RAB6A: variants seen among roughly 807,000 people sequenced by gnomAD.
The protein encoded by RAB6A is RAB6A, member RAS oncogene family, also known as ras-related protein Rab-6A.
In RAB6A, 8 loss-of-function variants were observed where a neutral mutation model predicts 32.3. The ratio of observed to expected loss-of-function variants is 0.25; its 90% CI spans 0.15 to 0.45. RAB6A has a LOEUF of 0.45. RAB6A is among the 20% of genes least tolerant of loss of function. RAB6A has a pLI of 1.00. For missense variants in RAB6A, 104 were observed against 249.4 expected (o/e 0.42, Z 3.93); for synonymous variants, 73 against 82.1 (o/e 0.89, Z 0.60).
chr11:73,742,927 G>A (rs1285777052), intron 1 of RAB6A, among the ~76,000 whole-genome samples: 1 of 151,994 alleles, frequency 6.6e-6, no homozygotes, highest in East Asian at 1.9e-4. Flanking sequence ...AAACAAATAC[G>A]AGTAAAGCCC....
chr11:73,753,296 C>A (rs895838609), intron 1 of RAB6A, among the ~76,000 whole-genome samples: 2 of 152,034 alleles, frequency 1.3e-5, no homozygotes, highest in African/African-American at 2.4e-5. Flanking sequence ...GCCTCCCGGG[C>A]TCAAGTGACT....
At chr11:73,718,752 A>G (rs756735904) in intron 3 of RAB6A, 34 bp from the exon 4 acceptor site, 1 of 1,614,034 alleles carries the variant, frequency 6.2e-7, no homozygotes, top group Non-Finnish European at 8.5e-7. Context: ...AGCAAGAAAA[A>G]TAAGAAAGGT....
At chr11:73,685,473 G>A (rs921021770) in intron 6 of RAB6A, among the ~76,000 whole-genome samples, 2 of 151,062 alleles carry the variant, frequency 1.3e-5, no homozygotes, top group Non-Finnish European at 2.9e-5. Flanking sequence ...AATTTTAGTA[G>A]AGACGGTGTT....
At chr11:73,732,660 T>C (rs547222255) in intron 1 of RAB6A, among the ~76,000 whole-genome samples, 1 of 152,122 alleles carries the variant, frequency 6.6e-6, no homozygotes, top group South Asian at 2.1e-4. Context: ...CTTGGGAGGC[T>C]CAGGCAACAG....
chr11:73,731,684 TTATATATATATATATATATA>T (rs1157961323), intron 1 of RAB6A, among the ~76,000 whole-genome samples: 16 of 14,526 alleles, frequency 1.1e-3, no homozygotes, highest in African/African-American at 1.5e-3. Context: ...TAGATAGATA[TTATATATATATATATATATA>T]TATATATATA....
chr11:73,721,287 A>T (rs1052910201), intron 2 of RAB6A, among the ~76,000 whole-genome samples: 5 of 152,230 alleles, frequency 3.3e-5, no homozygotes, highest in African/African-American at 1.2e-4. Flanking sequence ...TATCTGCCCC[A>T]AGAGCAGTTT....
intron 5 of RAB6A, among the ~76,000 whole-genome samples, chr11:73,711,041 G>A: frequency 6.6e-6 from 1 of 152,132 alleles, no homozygotes; most frequent in East Asian, 1.9e-4. Context: ...TCTGCTCAAA[G>A]GCATAGATGC....
At chr11:73,730,670 C>T (rs1398450252) in intron 2 of RAB6A, 95 bp downstream of exon 2, 2 of 981,508 alleles carry the variant, frequency 2.0e-6, no homozygotes, top group Non-Finnish European at 3.1e-6. Context: ...AGTACTTTTA[C>T]ATCCACAACT....
chr11:73,743,563 G>C (rs1946534569), intron 1 of RAB6A, among the ~76,000 whole-genome samples: 1 of 151,708 alleles, frequency 6.6e-6, no homozygotes, highest in South Asian at 2.1e-4. Flanking sequence ...GGAGACTGAG[G>C]CTTCAGTGAG....
At chr11:73,718,271 T>C (rs1377094949) in intron 4 of RAB6A, among the ~76,000 whole-genome samples, 3 of 152,144 alleles carry the variant, frequency 2.0e-5, no homozygotes, top group Non-Finnish European at 4.4e-5. Context: ...GAGACTTAAA[T>C]GCAGATCATT....
chr11:73,683,522 T>C (rs542055541), intron 6 of RAB6A, among the ~76,000 whole-genome samples: 14 of 151,800 alleles, frequency 9.2e-5, no homozygotes, highest in Non-Finnish European at 1.8e-4. Context: ...CCTCCCAAAG[T>C]GCTGGGATTA....
chr11:73,702,844 T>C (rs1187508289), intron 6 of RAB6A, among the ~76,000 whole-genome samples: 6 of 151,892 alleles, frequency 4.0e-5, no homozygotes, highest in South Asian at 2.1e-4. Flanking sequence ...TTTATCTCAA[T>C]TTTATATATA....
intron 6 of RAB6A, among the ~76,000 whole-genome samples, chr11:73,699,562 G>A (rs1945709130): frequency 6.6e-6 from 1 of 152,148 alleles, no homozygotes; most frequent in Non-Finnish European, 1.5e-5. Flanking sequence ...GAGCCACTGC[G>A]CCTGGCCTTG....
In RAB6A at chr11:73,702,961, A is replaced by G. The variant is rs184614985; in HGVS notation, c.495+4459T>C. Among the ~76,000 whole-genome samples the G allele has an allele frequency of 2.1e-3, 316 of 151,680 alleles. 1 individual carries two copies. Among genetic ancestry groups the G allele is most frequent in the African/African-American group, 7.4e-3 (305 of 41,280 alleles). On this transcript the variant is annotated intron_variant, in intron 6 of 7. Transcript: ENST00000336083. ...AATCTCCGCCTCCTGGGTTCAAGTG[A>G]TTCTCTTGCCTCAGACTCCCGAGTA...
chr11:73,701,356 G>C (rs1416856066), intron 6 of RAB6A, among the ~76,000 whole-genome samples: 1 of 152,182 alleles, frequency 6.6e-6, no homozygotes, highest in African/African-American at 2.4e-5. Context: ...GTAAGACTGT[G>C]ATTCTCAATG....
chr11:73,723,856 A>G (rs533056647), intron 2 of RAB6A, among the ~76,000 whole-genome samples: 9 of 152,350 alleles, frequency 5.9e-5, no homozygotes, highest in Admixed American at 5.9e-4. Flanking sequence ...ATATTTTTAG[A>G]TAAGATACTC....
intron 6 of RAB6A, among the ~76,000 whole-genome samples, chr11:73,684,469 A>C (rs1466684621): frequency 3.9e-5 from 6 of 152,320 alleles, no homozygotes; most frequent in Non-Finnish European, 8.8e-5. Flanking sequence ...ACGTGTGGCC[A>C]GATATGTACA....
intron 2 of RAB6A, among the ~76,000 whole-genome samples, chr11:73,726,374 A>G (rs1946220529): frequency 6.6e-6 from 1 of 150,740 alleles, no homozygotes; most frequent in Admixed American, 6.6e-5. Flanking sequence ...CGAGGTCAGG[A>G]GATCGAGACC....
chr11:73,749,238 A>ATT (rs1292818211), intron 1 of RAB6A, among the ~76,000 whole-genome samples: 17 of 152,224 alleles, frequency 1.1e-4, no homozygotes, highest in African/African-American at 3.9e-4. Context: ...GGAGACCATT[A>ATT]CTAAGTGAAG....
Sources: allele counts gnomAD v4.1 joint callset (sites outside exome capture counted in the v4.1 genomes callset), GRCh38; gene constraint gnomAD v4.1.1; transcripts MANE v1.5; gene names NCBI Gene and HGNC (gene_info 2026-07-23, HGNC 2026-07-21).